Variants in DOCK1 observed in about 807,000 individuals in gnomAD.
The protein encoded by DOCK1 is dedicator of cytokinesis protein 1.
A neutral mutation model predicts 262.7 loss-of-function variants in DOCK1; 138 were observed. The ratio of observed to expected loss-of-function variants is 0.53; its 90% CI spans 0.46 to 0.61. The LOEUF (loss-of-function observed/expected upper bound fraction) is 0.61, where lower values mean the gene tolerates loss of function less well. Among genes scored for constraint, DOCK1 ranks in the 20% least tolerant of loss-of-function variants. The pLI is 0.00. For synonymous variants in DOCK1, 866 were observed against 867.4 expected, an observed-to-expected ratio of 1.00 and a Z score of 0.03; for missense variants, 1,908 against 2,370.7, an observed-to-expected ratio of 0.80 and a Z score of 4.05.
chr10:127,024,674 T>G lies in DOCK1; in HGVS notation c.1453-11T>G. 6.2e-7 allele frequency: 1 copy of G among 1,604,180 alleles called. No homozygotes were observed. Among genetic ancestry groups the G allele is most frequent in the Non-Finnish European group, 8.5e-7 (1 of 1,175,272 alleles). ...AGGTCTTACGTGAGCTCTTTATGTC[T>G]TCTTTTAAAGCATGTGATTTTCCCG... On this transcript the variant is annotated splice_polypyrimidine_tract_variant and intron_variant, in intron 14 of 51. Coordinates refer to ENST00000623213, the MANE Select transcript of DOCK1 (RefSeq NM_001290223.2).
intron 1 of DOCK1, among the ~76,000 whole-genome samples, chr10:126,969,916 G>A (rs949841935): frequency 3.9e-5 from 6 of 152,158 alleles, no homozygotes; most frequent in East Asian, 1.9e-4. Context: ...GCTTTGATCC[G>A]CGATTTTGAA....
intron 1 of DOCK1, among the ~76,000 whole-genome samples, chr10:126,934,593 C>T (rs1236964669): frequency 6.6e-6 from 1 of 152,240 alleles, no homozygotes; most frequent in Non-Finnish European, 1.5e-5. Context: ...CAAGACTGGG[C>T]AATCTCTTTA....
chr10:126,975,628 CTTT>C (rs79203184), intron 2 of DOCK1, among the ~76,000 whole-genome samples: 4 of 143,172 alleles, frequency 2.8e-5, no homozygotes, highest in Admixed American at 7.0e-5. Flanking sequence ...TCTTTCTTTT[CTTT>C]TTTTTTTTTT....
intron 1 of DOCK1, among the ~76,000 whole-genome samples, chr10:126,910,008 A>G (rs1003942100): frequency 2.0e-5 from 3 of 152,230 alleles, no homozygotes; most frequent in African/African-American, 7.2e-5. Flanking sequence ...AGCTCTAAGC[A>G]ATGATAATTG....
intron 25 of DOCK1, among the ~76,000 whole-genome samples, chr10:127,111,621 C>T (rs2048870195): frequency 6.6e-6 from 1 of 152,132 alleles, no homozygotes. Flanking sequence ...GGCCAGGCAC[C>T]CTGCTTCAGG....
chr10:127,199,255 C>T (rs549246230), intron 27 of DOCK1, among the ~76,000 whole-genome samples: 4 of 152,076 alleles, frequency 2.6e-5, no homozygotes, highest in African/African-American at 4.8e-5. Context: ...AAAATATCCA[C>T]GTCTCTCTTC....
chr10:127,114,810 G>C (rs1220893736), intron 25 of DOCK1, among the ~76,000 whole-genome samples: 1 of 147,004 alleles, frequency 6.8e-6, no homozygotes. Flanking sequence ...AGGCTGGAGT[G>C]CAGTGGCACG....
At chr10:127,180,334 A>T (rs2055605603) in intron 27 of DOCK1, among the ~76,000 whole-genome samples, 1 of 152,134 alleles carries the variant, frequency 6.6e-6, no homozygotes. Flanking sequence ...TGGCTGGGTC[A>T]CCCTAGAGAA....
intron 1 of DOCK1, among the ~76,000 whole-genome samples, chr10:126,924,965 T>G (rs578039936): frequency 1.4e-4 from 21 of 152,390 alleles, no homozygotes; most frequent in Admixed American, 1.3e-3. Context: ...TGCCAAAGTC[T>G]ACTGCTTACC....
intron 27 of DOCK1, among the ~76,000 whole-genome samples, chr10:127,152,407 C>T (rs577122847): frequency 2.0e-5 from 3 of 152,376 alleles, no homozygotes; most frequent in South Asian, 4.1e-4. Context: ...ATTTTAACCT[C>T]CTCACTGGCA....
intron 49 of DOCK1, among the ~76,000 whole-genome samples, chr10:127,441,888 C>G (rs2070179389): frequency 6.6e-6 from 1 of 152,150 alleles, no homozygotes; most frequent in Non-Finnish European, 1.5e-5. Flanking sequence ...TGATTTGCAT[C>G]TCAGCAGTCC....
chr10:127,110,481 A>G (rs2048799527), intron 25 of DOCK1, 127 bp downstream of exon 25: 3 of 785,296 alleles, frequency 3.8e-6, no homozygotes, highest in Admixed American at 4.4e-5. Context: ...CTGTATTACA[A>G]GACAGGAAGA....
intron 23 of DOCK1, among the ~76,000 whole-genome samples, chr10:127,096,354 C>G (rs142779735): frequency 2.6e-5 from 4 of 152,270 alleles, no homozygotes; most frequent in Non-Finnish European, 4.4e-5. Flanking sequence ...TCAAGTTTAT[C>G]TGTTTTTCCG....
At chr10:127,032,451 G>A in intron 18 of DOCK1, 131 bp downstream of exon 18, 4 of 960,644 alleles carry the variant, frequency 4.2e-6, no homozygotes, top group Non-Finnish European at 5.9e-6. Context: ...CATTGCATCG[G>A]GCTGTGATGA....
chr10:126,984,517 T>G (rs1037996257), intron 4 of DOCK1, among the ~76,000 whole-genome samples: 22 of 150,516 alleles, frequency 1.5e-4, no homozygotes, highest in Middle Eastern at 3.2e-3. Flanking sequence ...CAGCTAATTT[T>G]TGTGTGTGTG....
In DOCK1 at chr10:127,447,394, G is replaced by T. The variant is rs1230942034; in HGVS notation, c.5414G>T (p.Ser1805Ile). Residue 1805 changes from serine (S) to isoleucine (I), a missense_variant and splice_region_variant, in exon 51 of 52, where the codon AGC becomes ATC. This residue lies in a region of DOCK1 where 383 missense variants were observed against 420.1 expected (regional missense o/e 0.91). Transcript: ENST00000623213. ...TTTTAAATAGATCCCGGTTTTCCAG[G>T]CTTGGAGCTGAACGGCATGACGGGG... ...RAKLSFSMQS[S>I]LELNGMTGAD... 1 of 1,611,756 alleles carries T rather than the reference G, an allele frequency of 6.2e-7. No individual in the cohort carries two copies. The highest frequency in any genetic ancestry group is 1.3e-5 in the African/African-American group (1 of 75,020).
At chr10:127,384,245 C>T (rs142616233) in intron 37 of DOCK1, among the ~76,000 whole-genome samples, 15 of 152,296 alleles carry the variant, frequency 9.8e-5, no homozygotes, top group South Asian at 4.1e-4. Context: ...GCTCACACGC[C>T]GACTGCACCA....
chr10:127,440,366 T>C (rs1257632683), intron 49 of DOCK1, among the ~76,000 whole-genome samples: 4 of 152,106 alleles, frequency 2.6e-5, no homozygotes, highest in Non-Finnish European at 5.9e-5. Flanking sequence ...ATATCCGAGC[T>C]GTATCAGAGT....
In DOCK1 at chr10:127,260,975, GTGTGTGTACCCGTGCTCA is replaced by G. The variant is rs199635268; in HGVS notation, c.3044+3554_3044+3571del. On this transcript the variant is annotated intron_variant, in intron 29 of 51. Transcript: ENST00000623213. ...TCTGTGTGTGTGCATGTGGGTGTGT[GTGTGTGTACCCGTGCTCA>G]TGTGTGTGTACCTGCATGTGTGTGC... 2.4e-4 allele frequency among the ~76,000 whole-genome samples: 16 copies of G among 66,810 alleles called. 1 individual carries two copies. Among genetic ancestry groups the G allele is most frequent in the Admixed American group, 8.8e-4 (5 of 5,706 alleles). The allele number at this position is 66,810 out of a possible 152,430, so 43.8% of individuals were successfully genotyped here.
Sources: gnomAD v4.1 joint callset for allele counts (sites outside exome capture counted in the v4.1 genomes callset) on GRCh38, gnomAD v4.1.1 for gene constraint, gnomAD v4.1.1 regional missense constraint, MANE v1.5 for transcripts, NCBI Gene and HGNC (gene_info 2026-07-23, HGNC 2026-07-21) for gene names.